ADCK5: variants seen among roughly 807,000 people sequenced by gnomAD.
The protein encoded by ADCK5 is uncharacterized aarF domain-containing protein kinase 5.
In ADCK5, 43 loss-of-function variants were observed where a neutral mutation model predicts 64.9. That is an observed-to-expected ratio of 0.66 (90% CI 0.52 to 0.85). The LOEUF (loss-of-function observed/expected upper bound fraction) is 0.85, where lower values mean the gene tolerates loss of function less well. ADCK5 is among the 40% of genes least tolerant of loss of function. The pLI, the probability that ADCK5 is intolerant of heterozygous loss-of-function variation, is 0.00. For synonymous variants in ADCK5, 434 were observed against 342.8 expected (o/e 1.27, Z -2.94); for missense variants, 760 against 810.5 (o/e 0.94, Z 0.76).
intron 14 of ADCK5, 23 bp downstream of exon 14, chr8:144,392,915 G>A: frequency 6.3e-7 from 1 of 1,595,146 alleles, no homozygotes; most frequent in Non-Finnish European, 8.5e-7. Context: ...GGGGCAGGTG[G>A]GTGGCGGGGG....
chr8:144,378,448 C>G (rs988601074), intron 1 of ADCK5, among the ~76,000 whole-genome samples: 1 of 151,974 alleles, frequency 6.6e-6, no homozygotes, highest in East Asian at 1.9e-4. Context: ...TTTGCCCTCT[C>G]GCTTGCTCTC....
At chr8:144,383,528 C>T (rs1222427776) in intron 3 of ADCK5, among the ~76,000 whole-genome samples, 5 of 152,140 alleles carry the variant, frequency 3.3e-5, no homozygotes, top group Admixed American at 3.3e-4. Flanking sequence ...AGTGGGGAGG[C>T]GCTCCAGCCC....
rs782704643 is a variant in ADCK5, at chr8:144,392,027, G to A, written c.1096+5G>A. 3.7e-6 allele frequency: 6 copies of A among 1,612,588 alleles called. No homozygotes were observed. The highest frequency in any genetic ancestry group is 5.1e-6 in the Non-Finnish European group (6 of 1,179,946). On this transcript the variant is annotated splice_donor_5th_base_variant and intron_variant, in intron 10 of 14. Transcript: ENST00000308860. ...CGGACCCACATCCTGGCAACGGTAG[G>A]AATTTACCCCAGGGGTGGGGGTCTC...
At chr8:144,388,472 A>C (rs1386637287) in intron 3 of ADCK5, among the ~76,000 whole-genome samples, 1 of 152,100 alleles carries the variant, frequency 6.6e-6, no homozygotes, top group Non-Finnish European at 1.5e-5. Flanking sequence ...TTTTAATAGT[A>C]GAAAAGTTAG....
At chr8:144,389,217 A>G (rs1282349502) in intron 3 of ADCK5, 5 of 455,486 alleles carry the variant, frequency 1.1e-5, no homozygotes, top group Non-Finnish European at 2.2e-5. Context: ...ACAGATACCC[A>G]GGATGTCCCC....
intron 2 of ADCK5, among the ~76,000 whole-genome samples, chr8:144,380,020 C>A (rs1384261177): frequency 1.3e-5 from 2 of 152,234 alleles, no homozygotes; most frequent in Admixed American, 6.5e-5. Flanking sequence ...GCTCAGTGAA[C>A]CTGGCAGGGG....
rs540314346 is a variant in ADCK5, at chr8:144,392,513, C to A, written c.1336C>A (p.Leu446Ile). ...CCTGGGGCAGCTGTGGGGCTCGCAC[C>A]TACTGAGCCGCGAAGAGGCGGCCTA... ...VRLGQLWGSH[L>I]LSREEAAYMV... The change falls in exon 13 of 15, where the codon CTA becomes ATA. Residue 446 changes from leucine (L) to isoleucine (I), a missense_variant. Around this residue, in one of 2 missense-constraint regions of ADCK5, gnomAD observed 333 missense variants for 292.0 expected, o/e 1.14. Coordinates refer to ENST00000308860, the MANE Select transcript of ADCK5 (RefSeq NM_174922.5). 7.1e-6 allele frequency: 11 copies of A among 1,544,740 alleles called. No individual in the cohort carries two copies. In the South Asian group the frequency reaches 1.2e-4, roughly 17 times the overall value.
At chr8:144,387,802 G>A (rs574531938) in intron 3 of ADCK5, among the ~76,000 whole-genome samples, 1 of 150,594 alleles carries the variant, frequency 6.6e-6, no homozygotes, top group South Asian at 2.1e-4. Context: ...TGGGATCTCC[G>A]CTCACTGCAA....
intron 3 of ADCK5, among the ~76,000 whole-genome samples, chr8:144,385,181 A>G (rs189428506): frequency 4.2e-5 from 6 of 143,156 alleles, no homozygotes; most frequent in African/African-American, 1.3e-4. Context: ...CACTCCTTAC[A>G]TTTTCTTTTT....
chr8:144,381,529 G>A (rs1466059792), intron 2 of ADCK5, among the ~76,000 whole-genome samples: 1 of 144,180 alleles, frequency 6.9e-6, no homozygotes, highest in East Asian at 2.1e-4. Flanking sequence ...AGGATTATGG[G>A]CCAGGTGTAG....
At chr8:144,383,470 C>T (rs1554858749) in intron 3 of ADCK5, among the ~76,000 whole-genome samples, 1 of 152,162 alleles carries the variant, frequency 6.6e-6, no homozygotes, top group Non-Finnish European at 1.5e-5. Context: ...GGGTCCTCCA[C>T]ATTGGATGCA....
intron 2 of ADCK5, among the ~76,000 whole-genome samples, chr8:144,380,919 C>G (rs1189249603): frequency 2.7e-3 from 55 of 20,162 alleles, no homozygotes; most frequent in South Asian, 5.8e-3. Flanking sequence ...GGCACCTGCC[C>G]CACTCAGGAT....
chr8:144,392,463 A>C lies in ADCK5; in HGVS notation c.1286A>C (p.Glu429Ala). The C allele has an allele frequency of 4.9e-6, 6 of 1,225,482 alleles. No individual in the cohort carries two copies. The highest frequency in any genetic ancestry group is 6.3e-6 in the Non-Finnish European group (6 of 948,774). The allele number at this position is 1,225,482 out of a possible 1,614,324, so 75.9% of individuals were successfully genotyped here. ...LGVQDYLLFAEMLMQRPVRLG... is the reference protein window; with the variant it reads ...LGVQDYLLFAAMLMQRPVRLG... ...TCCCCAGACTACCTCCTGTTCGCCG[A>C]GATGCTCATGCAGCGCCCCGTGCGC... Residue 429 changes from glutamate to alanine, a missense_variant, in exon 13 of 15, where the codon GAG (glutamate) becomes GCG (alanine). By Grantham distance (107) the Glu-to-Ala change is moderately radical (BLOSUM62 -1). This residue lies in a region of ADCK5 where 333 missense variants were observed against 292.0 expected (regional missense o/e 1.14). Transcript: ENST00000308860.
intron 3 of ADCK5, among the ~76,000 whole-genome samples, chr8:144,387,188 C>A (rs1296000216): frequency 1.3e-5 from 2 of 152,190 alleles, no homozygotes; most frequent in African/African-American, 4.8e-5. Context: ...TATTTCACTG[C>A]TTCTTATTTT....
In ADCK5 at chr8:144,376,289, A is replaced by G. The variant is rs1299722117; in HGVS notation, c.12+2182A>G. Among the ~76,000 whole-genome samples the G allele has an allele frequency of 6.6e-6, 1 of 152,182 alleles. No individual in the cohort carries two copies. Among genetic ancestry groups the G allele is most frequent in the Non-Finnish European group, 1.5e-5 (1 of 68,038 alleles). ...GTGCCTGCTTGTTCAGAGATGGTTG[A>G]GAGGTGGCCCTGCTCACAGTCTAGT... On this transcript the variant is annotated intron_variant, in intron 1 of 14. Transcript: ENST00000308860. This position sits in a 1 kb window ranked among gnomAD's most constrained non-coding sequence, Gnocchi z 5.1.
intron 2 of ADCK5, 68 bp from the exon 3 acceptor site, chr8:144,383,013 G>A (rs1184577093): frequency 4.5e-6 from 7 of 1,546,024 alleles, no homozygotes; most frequent in South Asian, 3.6e-5. Flanking sequence ...TGGGGGAGGT[G>A]GGGGCAGAGA....
intron 1 of ADCK5, among the ~76,000 whole-genome samples, chr8:144,379,075 G>A (rs782260554): frequency 1.8e-4 from 28 of 151,602 alleles, no homozygotes; most frequent in Non-Finnish European, 3.4e-4. Flanking sequence ...CTGGGATTAC[G>A]TACATGCACC....
Position 144,376,224 on chromosome 8 carries a change from G to C in ADCK5, c.12+2117G>C, listed in dbSNP as rs1819358674. Among the ~76,000 whole-genome samples the C allele has an allele frequency of 6.6e-6, 1 of 152,188 alleles. No homozygotes were observed. Among genetic ancestry groups the C allele is most frequent in the African/African-American group, 2.4e-5 (1 of 41,444 alleles). Reference sequence around the variant, plus strand: ...CATGTGGGGTTCAATTGAGTCCTGTGCTTCACAGCTGTTGGTCTCATTCGG... The same window carrying C: ...CATGTGGGGTTCAATTGAGTCCTGTCCTTCACAGCTGTTGGTCTCATTCGG... On this transcript the variant is annotated intron_variant, in intron 1 of 14. Coordinates refer to ENST00000308860, the MANE Select transcript of ADCK5 (RefSeq NM_174922.5). This position sits in a 1 kb window ranked among gnomAD's most constrained non-coding sequence, Gnocchi z 5.1.
intron 2 of ADCK5, 31 bp downstream of exon 2, chr8:144,379,521 C>A: frequency 6.5e-7 from 1 of 1,530,368 alleles, no homozygotes; most frequent in Middle Eastern, 1.8e-4. Context: ...ATGCGCCTCT[C>A]ACCCAGGCAG....
Sources: allele counts gnomAD v4.1 joint callset (sites outside exome capture counted in the v4.1 genomes callset), GRCh38; gene constraint gnomAD v4.1.1; regional missense constraint gnomAD v4.1.1; non-coding constraint Gnocchi (gnomAD v3.1); transcripts MANE v1.5; gene names NCBI Gene and HGNC (gene_info 2026-07-23, HGNC 2026-07-21).